The following SHC2 variants were observed in gnomAD, a reference collection of about 807,000 sequenced individuals.
SHC2 encodes the protein SHC adaptor protein 2.
Under a neutral mutation model 60.6 loss-of-function variants are expected in SHC2, and 62 were observed. The observed-to-expected ratio is 1.02, with a 90% CI of 0.83 to 1.26. SHC2 has a LOEUF of 1.26. Among genes scored for constraint, SHC2 ranks in the 50% most tolerant of loss-of-function variants. The pLI is 0.00. For missense variants in SHC2, 873 were observed against 822.2 expected, an observed-to-expected ratio of 1.06 and a Z score of -0.76; for synonymous variants, 375 against 372.4, an observed-to-expected ratio of 1.01 and a Z score of -0.08.
chr19:420,323 C>T (rs1282053817), intron 11 of SHC2, among the ~76,000 whole-genome samples: 2 of 152,180 alleles, frequency 1.3e-5, no homozygotes, highest in Non-Finnish European at 2.9e-5. Context: ...GAGCCCCCAC[C>T]TGCCCGCCCG....
chr19:421,054 G>A (rs904903128), intron 11 of SHC2, among the ~76,000 whole-genome samples: 7 of 146,994 alleles, frequency 4.8e-5, no homozygotes, highest in Non-Finnish European at 9.0e-5. Context: ...CATCAAGAAA[G>A]AAAGAAAGGA....
intron 1 of SHC2, among the ~76,000 whole-genome samples, chr19:447,310 G>T (rs1474807562): frequency 6.6e-6 from 1 of 151,480 alleles, no homozygotes; most frequent in Admixed American, 6.6e-5. Context: ...TGGGGAGGGG[G>T]TGGAGGGGAG....
Position 422,456 on chromosome 19 carries a change from C to A in SHC2, c.1310G>T (p.Arg437Leu). Reference sequence around the variant, plus strand: ...CAACTTCAGGGCATCCTCAAAGGGTCCTGCAGGCCAGGGACAGGAGTGCTG... The same window carrying A: ...CAACTTCAGGGCATCCTCAAAGGGTACTGCAGGCCAGGGACAGGAGTGCTG... ...DSPKKDLFDM[R>L]PFEDALKLHE... is the part of the protein sequence containing the mutation. Residue 437 changes from arginine (R) to leucine (L), a missense_variant and splice_region_variant, in exon 11 of 13, where the codon CGA (arginine) becomes CTA (leucine). Coordinates refer to ENST00000264554, the MANE Select transcript of SHC2 (RefSeq NM_012435.3). The surrounding 1 kb of genome is among the most constrained non-coding windows in gnomAD (Gnocchi z 5.0). 6.5e-7 allele frequency: 1 copy of A among 1,536,598 alleles called. No individual in the cohort carries two copies. The highest frequency in any genetic ancestry group is 8.8e-7 in the Non-Finnish European group (1 of 1,139,258).
intron 1 of SHC2, among the ~76,000 whole-genome samples, chr19:455,527 C>T (rs984907739): frequency 6.6e-6 from 1 of 152,258 alleles, no homozygotes; most frequent in African/African-American, 2.4e-5. Context: ...GATTATCCGG[C>T]GTCCAACTTC....
At chr19:431,410 G>C (rs1329067756) in intron 8 of SHC2, among the ~76,000 whole-genome samples, 1 of 117,692 alleles carries the variant, frequency 8.5e-6, no homozygotes, top group East Asian at 2.2e-4. Flanking sequence ...GAGTGAGATC[G>C]TGAGTGAGAG....
At position 453,438 on chromosome 19, in the gene SHC2, GT is replaced by G. The variant is rs1180546100; in HGVS notation, c.468+7090del. 6.6e-6 allele frequency among the ~76,000 whole-genome samples: 1 copy of G among 152,066 alleles called. No homozygotes were observed. The highest frequency in any genetic ancestry group is 1.5e-5 in the Non-Finnish European group (1 of 67,994). The stretch of plus-strand genomic sequence containing the variant: ...GTGTGCACCACCCTGCCTGGCTAAT[GT>G]TTTTTCTTTTTTGGTAGAGACAGGG... On this transcript the variant is annotated intron_variant, in intron 1 of 12. Coordinates refer to ENST00000264554, the MANE Select transcript of SHC2 (RefSeq NM_012435.3). This position sits in a 1 kb window ranked among gnomAD's most constrained non-coding sequence, Gnocchi z 6.3.
chr19:450,608 GTC>G (rs1975157660), intron 1 of SHC2, among the ~76,000 whole-genome samples: 1 of 152,194 alleles, frequency 6.6e-6, no homozygotes, highest in Non-Finnish European at 1.5e-5. Flanking sequence ...TGTGTCTGGA[GTC>G]TCTCACCGAG....
intron 1 of SHC2, among the ~76,000 whole-genome samples, chr19:458,067 C>G (rs369173275): frequency 0.015 from 1,926 of 131,642 alleles, 48 homozygotes; most frequent in South Asian, 0.05. Flanking sequence ...CTTGGGGAGG[C>G]GGAAGCGGGT....
At chr19:442,439 GTGGA>G (rs1256571124) in intron 1 of SHC2, among the ~76,000 whole-genome samples, 2 of 130,632 alleles carry the variant, frequency 1.5e-5, no homozygotes, top group Admixed American at 7.8e-5. Flanking sequence ...GGATGGGCGG[GTGGA>G]TGGATGGATG....
intron 11 of SHC2, among the ~76,000 whole-genome samples, chr19:421,212 T>C (rs867427688): frequency 1.3e-5 from 2 of 150,080 alleles, no homozygotes; most frequent in South Asian, 2.1e-4. Context: ...GCCTGGCCAA[T>C]ATAGTGAAAC....
Position 454,664 on chromosome 19 carries a change from C to G in SHC2, c.468+5865G>C, listed in dbSNP as rs1202553600. Among the ~76,000 whole-genome samples the G allele has an allele frequency of 9.9e-5, 15 of 152,272 alleles. No individual in the cohort carries two copies. In the East Asian group the frequency reaches 2.9e-3, roughly 30 times the overall value. On this transcript the variant is annotated intron_variant, in intron 1 of 12. Transcript: ENST00000264554. ...AATTAGCTGAGCATGGTGGCGGGCG[C>G]CTGTAGTCCCAGCTACTCAGGAGGC...
At chr19:444,732 G>A (rs1437829444) in intron 1 of SHC2, among the ~76,000 whole-genome samples, 6 of 152,196 alleles carry the variant, frequency 3.9e-5, no homozygotes, top group Non-Finnish European at 5.9e-5. Context: ...TCTCTGCTGC[G>A]GACACGCTGT....
At chr19:449,117 G>A (rs1023165531) in intron 1 of SHC2, among the ~76,000 whole-genome samples, 76 of 152,292 alleles carry the variant, frequency 5.0e-4, no homozygotes, top group African/African-American at 1.7e-3. Context: ...GCCGTGAGCC[G>A]AGATGGTGCC....
At chr19:437,107 GGCACCTGTGAGTGCATTT>G (rs1261369090) in intron 4 of SHC2, among the ~76,000 whole-genome samples, 1 of 152,122 alleles carries the variant, frequency 6.6e-6, no homozygotes, top group Non-Finnish European at 1.5e-5. Context: ...CACGTGCAAG[GGCACCTGTGAGTGCATTT>G]GCATGCTTAT....
chr19:459,937 G>A (rs994226895), intron 1 of SHC2, among the ~76,000 whole-genome samples: 3 of 152,204 alleles, frequency 2.0e-5, no homozygotes, highest in African/African-American at 7.2e-5. Flanking sequence ...CAGCAGAGGG[G>A]AAGGTTACCC....
At chr19:426,958 A>G (rs1974431516) in intron 9 of SHC2, among the ~76,000 whole-genome samples, 1 of 152,114 alleles carries the variant, frequency 6.6e-6, no homozygotes, top group African/African-American at 2.4e-5. Context: ...GTTCTTGGCC[A>G]GAGAATCGGG....
chr19:447,426 G>T (rs939488300), intron 1 of SHC2, among the ~76,000 whole-genome samples: 1 of 152,348 alleles, frequency 6.6e-6, no homozygotes, highest in Non-Finnish European at 1.5e-5. Context: ...TAAATACACC[G>T]CCCTGCACAG....
intron 5 of SHC2, 43 bp from the exon 6 acceptor site, chr19:436,474 A>C: frequency 1.2e-6 from 2 of 1,601,180 alleles, no homozygotes; most frequent in Non-Finnish European, 1.7e-6. Context: ...TGGGCCCCCC[A>C]CCGGGATTCC....
chr19:436,710 C>A, intron 4 of SHC2, 27 bp from the exon 5 acceptor site: 1 of 1,596,020 alleles, frequency 6.3e-7, no homozygotes, highest in South Asian at 1.1e-5. Flanking sequence ...CACACGCGGT[C>A]ATGGGGGCCC....
Sources: allele counts gnomAD v4.1 joint callset (sites outside exome capture counted in the v4.1 genomes callset), GRCh38; gene constraint gnomAD v4.1.1; non-coding constraint Gnocchi (gnomAD v3.1); transcripts MANE v1.5; gene names NCBI Gene and HGNC (gene_info 2026-07-23, HGNC 2026-07-21).